PLCG2: variants seen among roughly 807,000 people sequenced by gnomAD.
The protein encoded by PLCG2 is 1-phosphatidylinositol 4,5-bisphosphate phosphodiesterase gamma-2.
In PLCG2, 69 loss-of-function variants were observed where a neutral mutation model predicts 175.6. That is an observed-to-expected ratio of 0.39 (90% CI 0.32 to 0.48). The LOEUF (loss-of-function observed/expected upper bound fraction) is 0.48. PLCG2 is among the 20% of genes least tolerant of loss of function. The pLI, the probability that PLCG2 is intolerant of heterozygous loss-of-function variation, is 0.91. For synonymous variants in PLCG2, 827 were observed against 624.0 expected (o/e 1.33, Z -4.85); for missense variants, 1,798 against 1,650.9 (o/e 1.09, Z -1.54).
intron 2 of PLCG2, among the ~76,000 whole-genome samples, chr16:81,804,870 G>T (rs1911920764): frequency 6.6e-6 from 1 of 152,222 alleles, no homozygotes; most frequent in Non-Finnish European, 1.5e-5. Flanking sequence ...CTTGGGAGCA[G>T]TATTGAGCAT....
intron 2 of PLCG2, among the ~76,000 whole-genome samples, chr16:81,812,243 G>A (rs1174725770): frequency 6.6e-6 from 1 of 151,916 alleles, no homozygotes; most frequent in Non-Finnish European, 1.5e-5. Flanking sequence ...TAGAGACGAA[G>A]TTTCACCGTG....
chr16:81,788,476 C>T (rs1275715829), intron 2 of PLCG2, among the ~76,000 whole-genome samples: 8 of 152,042 alleles, frequency 5.3e-5, no homozygotes, highest in Admixed American at 2.0e-4. Context: ...GAGACGGGGT[C>T]TCACTGTGTT....
chr16:81,873,317 C>G (rs563456976), intron 7 of PLCG2, among the ~76,000 whole-genome samples: 1 of 152,148 alleles, frequency 6.6e-6, no homozygotes, highest in Non-Finnish European at 1.5e-5. Flanking sequence ...ACTGTAACAA[C>G]CACAACAAAA....
intron 2 of PLCG2, among the ~76,000 whole-genome samples, chr16:81,844,904 T>C (rs1906033087): frequency 6.6e-6 from 1 of 152,210 alleles, no homozygotes; most frequent in South Asian, 2.1e-4. Flanking sequence ...CTCCTTAATG[T>C]TCACAGCAAA....
At chr16:81,919,113 G>T (rs1056537997) in intron 19 of PLCG2, among the ~76,000 whole-genome samples, 1 of 152,166 alleles carries the variant, frequency 6.6e-6, no homozygotes. Context: ...CAAATGAACT[G>T]TAGCTGTGTT....
intron 10 of PLCG2, among the ~76,000 whole-genome samples, chr16:81,890,486 C>G (rs1034332882): frequency 4.6e-5 from 7 of 152,174 alleles, no homozygotes; most frequent in African/African-American, 1.7e-4. Context: ...TTTCATAGCC[C>G]TTTCTTACTC....
At chr16:81,741,642 T>G (rs966426935) in intron 1 of PLCG2, among the ~76,000 whole-genome samples, 2 of 152,116 alleles carry the variant, frequency 1.3e-5, no homozygotes, top group Non-Finnish European at 2.9e-5. Flanking sequence ...AAACCCTGTC[T>G]CTACGAAAAA....
intron 2 of PLCG2, among the ~76,000 whole-genome samples, chr16:81,791,755 G>C (rs1487935227): frequency 6.6e-6 from 1 of 152,078 alleles, no homozygotes; most frequent in East Asian, 1.9e-4. Context: ...AGTAGAGATG[G>C]GCTTTCACCA....
intron 2 of PLCG2, among the ~76,000 whole-genome samples, chr16:81,813,590 A>C (rs1232862334): frequency 6.6e-6 from 1 of 152,192 alleles, no homozygotes; most frequent in East Asian, 1.9e-4. Context: ...AAAACACAGG[A>C]GCTTAAAACA....
At chr16:81,849,791 A>AAAAAAAAAAC (rs1567497300) in intron 2 of PLCG2, among the ~76,000 whole-genome samples, 2 of 145,468 alleles carry the variant, frequency 1.4e-5, no homozygotes. Context: ...AAAAAAAAAA[A>AAAAAAAAAAC]AAAAAACCAA....
intron 2 of PLCG2, among the ~76,000 whole-genome samples, chr16:81,828,886 G>A (rs1311321514): frequency 6.6e-6 from 1 of 152,124 alleles, no homozygotes; most frequent in Non-Finnish European, 1.5e-5. Flanking sequence ...TGGATCATGA[G>A]TTCAGGAGAT....
At chr16:81,921,592 A>T (rs553011528) in intron 21 of PLCG2, 1 of 377,778 alleles carries the variant, frequency 2.6e-6, no homozygotes, top group South Asian at 2.2e-5. Context: ...GGTGTTTATA[A>T]ATTCCATTTG....
chr16:81,833,716 G>A (rs773162961), intron 2 of PLCG2, among the ~76,000 whole-genome samples: 15 of 151,336 alleles, frequency 9.9e-5, no homozygotes, highest in African/African-American at 2.4e-5. Context: ...ATATTTTTTT[G>A]TAGAGGTGGG....
At chr16:81,750,399 G>A (rs1218209730) in intron 1 of PLCG2, among the ~76,000 whole-genome samples, 5 of 143,502 alleles carry the variant, frequency 3.5e-5, no homozygotes, top group Non-Finnish European at 4.5e-5. Flanking sequence ...CAGCCTGGGT[G>A]GTGATAGAGT....
At chr16:81,744,353 C>T (rs1338264395) in intron 1 of PLCG2, among the ~76,000 whole-genome samples, 10 of 151,698 alleles carry the variant, frequency 6.6e-5, no homozygotes, top group African/African-American at 1.9e-4. Flanking sequence ...TTAGTAGAGA[C>T]GGGGTTTCAC....
intron 2 of PLCG2, among the ~76,000 whole-genome samples, chr16:81,793,191 G>T (rs1363499287): frequency 6.6e-6 from 1 of 152,182 alleles, no homozygotes; most frequent in Non-Finnish European, 1.5e-5. Context: ...GGATAAGATG[G>T]TGCTGGGATT....
intron 12 of PLCG2, among the ~76,000 whole-genome samples, chr16:81,894,710 TA>T: frequency 6.6e-6 from 1 of 151,980 alleles, no homozygotes; most frequent in South Asian, 2.1e-4. Flanking sequence ...CTTTCTCTAC[TA>T]AAAATACAGA....
chr16:81,770,639 C>T (rs371205592), intron 2 of PLCG2, among the ~76,000 whole-genome samples: 4 of 152,074 alleles, frequency 2.6e-5, no homozygotes, highest in Admixed American at 2.0e-4. Context: ...TGTATGAGCC[C>T]GGCGGAGAGG....
chr16:81,800,153 A>G (rs1911658236), intron 2 of PLCG2, among the ~76,000 whole-genome samples: 1 of 152,202 alleles, frequency 6.6e-6, no homozygotes, highest in South Asian at 2.1e-4. Flanking sequence ...GTATCATAGT[A>G]CCTGGCAAAT....
Sources: allele counts gnomAD v4.1 joint callset (sites outside exome capture counted in the v4.1 genomes callset), GRCh38; gene constraint gnomAD v4.1.1; transcripts MANE v1.5; gene names NCBI Gene and HGNC (gene_info 2026-07-23, HGNC 2026-07-21).